TMEM132D: variants seen among roughly 807,000 people sequenced by gnomAD.
TMEM132D encodes mature OL transmembrane protein.
Under a neutral mutation model 62.3 loss-of-function variants are expected in TMEM132D, and 21 were observed. That is an observed-to-expected ratio of 0.34 (90% confidence interval 0.24 to 0.49). TMEM132D has a LOEUF of 0.49. Ranked by LOEUF, TMEM132D falls within the 20% of genes least tolerant of loss-of-function variation. The pLI, the probability that TMEM132D is intolerant of heterozygous loss-of-function variation, is 0.99. For missense variants in TMEM132D, 1,346 were observed against 1,402.8 expected (o/e 0.96, Z 0.65); for synonymous variants, 621 against 575.6 (o/e 1.08, Z -1.13).
intron 3 of TMEM132D, among the ~76,000 whole-genome samples, chr12:129,342,644 C>T (rs1204207226): frequency 1.3e-5 from 2 of 152,110 alleles, no homozygotes; most frequent in Non-Finnish European, 2.9e-5. Flanking sequence ...AGGCAACCTA[C>T]AGAATGGGAG....
intron 4 of TMEM132D, among the ~76,000 whole-genome samples, chr12:129,288,997 T>C (rs1282363472): frequency 6.6e-6 from 1 of 152,144 alleles, no homozygotes; most frequent in Non-Finnish European, 1.5e-5. Context: ...AAATACTGTA[T>C]GAATTGTATT....
intron 4 of TMEM132D, among the ~76,000 whole-genome samples, chr12:129,220,749 T>G (rs529493154): frequency 1.3e-5 from 2 of 152,260 alleles, no homozygotes; most frequent in South Asian, 4.1e-4. Context: ...TTTGAGGACA[T>G]TAAATGTCAA....
At chr12:129,203,212 ACT>A (rs1878757782) in intron 5 of TMEM132D, among the ~76,000 whole-genome samples, 1 of 151,552 alleles carries the variant, frequency 6.6e-6, no homozygotes, top group Non-Finnish European at 1.5e-5. Context: ...TCTGCACCTC[ACT>A]CTGTTTTCTG....
chr12:129,246,593 T>TA (rs1880120641), intron 4 of TMEM132D, among the ~76,000 whole-genome samples: 1 of 151,956 alleles, frequency 6.6e-6, no homozygotes, highest in African/African-American at 2.4e-5. Context: ...CTGTCTCTTC[T>TA]AAAAATACAA....
chr12:129,260,385 G>A (rs930902446), intron 4 of TMEM132D, among the ~76,000 whole-genome samples: 5 of 152,284 alleles, frequency 3.3e-5, no homozygotes, highest in South Asian at 4.1e-4. Flanking sequence ...CAAGTGGCTG[G>A]GGTGACAACT....
At chr12:129,337,550 C>A in intron 4 of TMEM132D, 84 bp downstream of exon 4, 1 of 1,538,182 alleles carries the variant, frequency 6.5e-7, no homozygotes, top group South Asian at 1.2e-5. Context: ...CCCTTTTCCC[C>A]ACCCAGCCTG....
intron 2 of TMEM132D, among the ~76,000 whole-genome samples, chr12:129,572,372 C>T (rs1244989851): frequency 2.6e-5 from 4 of 152,196 alleles, no homozygotes; most frequent in Non-Finnish European, 5.9e-5. Context: ...GGGTCTAAGG[C>T]GGGAAGTGGG....
At chr12:129,749,340 GCA>G (rs1869922236) in intron 1 of TMEM132D, among the ~76,000 whole-genome samples, 1 of 152,154 alleles carries the variant, frequency 6.6e-6, no homozygotes, top group South Asian at 2.1e-4. Context: ...ACACACACGT[GCA>G]CAGAGGCAAC....
chr12:129,187,304 A>G (rs1275855729), intron 5 of TMEM132D, among the ~76,000 whole-genome samples: 1 of 152,212 alleles, frequency 6.6e-6, no homozygotes, highest in African/African-American at 2.4e-5. Flanking sequence ...GCCACACACA[A>G]AATTGGGAGG....
intron 2 of TMEM132D, among the ~76,000 whole-genome samples, chr12:129,544,903 A>G (rs1876689249): frequency 6.6e-6 from 1 of 152,232 alleles, no homozygotes; most frequent in Non-Finnish European, 1.5e-5. Context: ...CACAGACATC[A>G]GGGTGACTGA....
intron 2 of TMEM132D, among the ~76,000 whole-genome samples, chr12:129,537,158 T>TTAAAAAAAA (rs551400531): frequency 3.5e-5 from 4 of 114,336 alleles, no homozygotes. Context: ...AAACTCTGTC[T>TTAAAAAAAA]AAAAAAAAAA....
chr12:129,490,576 C>A (rs1317502918), intron 3 of TMEM132D, among the ~76,000 whole-genome samples: 3 of 147,270 alleles, frequency 2.0e-5, no homozygotes, highest in Non-Finnish European at 4.5e-5. Context: ...CTACAGGCGC[C>A]CGCCCACCAC....
intron 1 of TMEM132D, among the ~76,000 whole-genome samples, chr12:129,841,777 A>G (rs1253631558): frequency 6.6e-6 from 1 of 152,182 alleles, no homozygotes; most frequent in Non-Finnish European, 1.5e-5. Context: ...TACCAAAGCA[A>G]TCAACTCAGG....
intron 5 of TMEM132D, among the ~76,000 whole-genome samples, chr12:129,134,140 G>GTGTC (rs1473016734): frequency 1.0e-4 from 15 of 150,522 alleles, no homozygotes; most frequent in African/African-American, 2.4e-4. Context: ...GTGTCTGTGT[G>GTGTC]TGTGTGTCTG....
At chr12:129,171,666 C>A (rs1877733602) in intron 5 of TMEM132D, among the ~76,000 whole-genome samples, 1 of 152,224 alleles carries the variant, frequency 6.6e-6, no homozygotes, top group Non-Finnish European at 1.5e-5. Context: ...CAAGATTCAT[C>A]TCGCACATCT....
chr12:129,828,772 G>A (rs1593178255), intron 1 of TMEM132D, among the ~76,000 whole-genome samples: 1 of 87,878 alleles, frequency 1.1e-5, no homozygotes, highest in Non-Finnish European at 2.5e-5. Context: ...GGGAGGGAGG[G>A]AGGAAGAAAA....
intron 2 of TMEM132D, among the ~76,000 whole-genome samples, chr12:129,561,885 C>T (rs1179715411): frequency 1.3e-5 from 2 of 152,148 alleles, no homozygotes; most frequent in Non-Finnish European, 2.9e-5. Context: ...TGAATTGTTG[C>T]TGCTGTGAGT....
At chr12:129,376,065 T>C (rs1454526300) in intron 3 of TMEM132D, among the ~76,000 whole-genome samples, 2 of 152,202 alleles carry the variant, frequency 1.3e-5, no homozygotes, top group Admixed American at 6.5e-5. Context: ...AATGTGATGT[T>C]AACATTTCAG....
chr12:129,666,261 T>A (rs1880378432), intron 2 of TMEM132D, among the ~76,000 whole-genome samples: 1 of 152,154 alleles, frequency 6.6e-6, no homozygotes, highest in African/African-American at 2.4e-5. Context: ...AACTGGCAAA[T>A]GAAAAATCTT....
Sources: gnomAD v4.1 joint callset for allele counts (sites outside exome capture counted in the v4.1 genomes callset) on GRCh38, gnomAD v4.1.1 for gene constraint, MANE v1.5 for transcripts, NCBI Gene and HGNC (gene_info 2026-07-23, HGNC 2026-07-21) for gene names.